Variants in TMTC2 observed in about 807,000 individuals in gnomAD.
TMTC2 encodes the protein transmembrane O-mannosyltransferase targeting cadherins 2.
Under a neutral mutation model 82.4 loss-of-function variants are expected in TMTC2, and 43 were observed. The observed-to-expected ratio is 0.52, with a 90% CI of 0.41 to 0.67. The LOEUF (loss-of-function observed/expected upper bound fraction) is 0.67, where lower values mean the gene tolerates loss of function less well. Ranked by LOEUF, TMTC2 falls within the 30% of genes least tolerant of loss-of-function variation. The pLI, the probability that TMTC2 is intolerant of heterozygous loss-of-function variation, is 0.00. For missense variants in TMTC2, 919 were observed against 1,012.4 expected (o/e 0.91, Z 1.25); for synonymous variants, 408 against 381.9 (o/e 1.07, Z -0.80).
intron 3 of TMTC2, among the ~76,000 whole-genome samples, chr12:82,922,687 C>A (rs191459697): frequency 3.0e-4 from 46 of 152,158 alleles, no homozygotes; most frequent in African/African-American, 1.1e-3. Flanking sequence ...TAAAATATAC[C>A]TTTGATTTAA....
intron 11 of TMTC2, among the ~76,000 whole-genome samples, chr12:83,122,285 C>G (rs113996840): frequency 1.3e-5 from 2 of 151,438 alleles, no homozygotes; most frequent in African/African-American, 2.4e-5. Context: ...CTTCTTCCCC[C>G]GCCTGTGGAG....
At chr12:82,704,329 A>G (rs1873238037) in intron 1 of TMTC2, among the ~76,000 whole-genome samples, 1 of 152,236 alleles carries the variant, frequency 6.6e-6, no homozygotes, top group Non-Finnish European at 1.5e-5. Context: ...GGACAGAAAT[A>G]TTATTTACCT....
At chr12:82,984,280 C>A (rs905160657) in intron 7 of TMTC2, among the ~76,000 whole-genome samples, 6 of 151,974 alleles carry the variant, frequency 3.9e-5, no homozygotes, top group Non-Finnish European at 5.9e-5. Flanking sequence ...GAGTGTTCAT[C>A]GAACTAGAAA....
At chr12:82,941,588 C>T (rs1343686043) in intron 4 of TMTC2, among the ~76,000 whole-genome samples, 3 of 152,128 alleles carry the variant, frequency 2.0e-5, no homozygotes, top group Non-Finnish European at 2.9e-5. Context: ...CATTACTGGC[C>T]ATGTGTTCTT....
In TMTC2 at chr12:82,966,994, A is replaced by T; in HGVS notation, c.1945A>T (p.Met649Leu). The change falls in exon 7 of 12, where the codon ATG becomes TTG. Residue 649 changes from methionine (M) to leucine (L), a missense_variant. Transcript: ENST00000321196. ...TGCCCCACAGAGCTTGTACAACATG[A>T]TGGGTAAGTAAAACATTAACACTTT... is the stretch of plus-strand genomic sequence containing the variant. ...QFAPQSLYNM[M>L]GEAYMRLSKL... 3 of 1,611,942 alleles carry T rather than the reference A, an allele frequency of 1.9e-6. No homozygotes were observed. Among genetic ancestry groups the T allele is most frequent in the South Asian group, 1.1e-5 (1 of 90,886 alleles).
At chr12:82,902,102 G>A (rs183321685) in intron 3 of TMTC2, among the ~76,000 whole-genome samples, 14 of 152,218 alleles carry the variant, frequency 9.2e-5, no homozygotes, top group East Asian at 7.7e-4. Flanking sequence ...TTTCCCTTAC[G>A]GAGTTAGTGG....
intron 3 of TMTC2, among the ~76,000 whole-genome samples, chr12:82,915,425 A>G (rs1874944977): frequency 6.6e-6 from 1 of 152,194 alleles, no homozygotes; most frequent in Non-Finnish European, 1.5e-5. Context: ...ACCCAAATCT[A>G]ACTGGTAACA....
At chr12:82,991,247 T>TC (rs376813801) in intron 8 of TMTC2, among the ~76,000 whole-genome samples, 2 of 152,046 alleles carry the variant, frequency 1.3e-5, no homozygotes, top group Admixed American at 6.6e-5. Context: ...AGTTTTTTTT[T>TC]CCCATTTGGT....
chr12:83,119,293 T>G (rs1359133629), intron 11 of TMTC2, among the ~76,000 whole-genome samples: 2 of 152,216 alleles, frequency 1.3e-5, no homozygotes, highest in Non-Finnish European at 2.9e-5. Context: ...CTATGAACTT[T>G]CCTCTTAGCA....
intron 1 of TMTC2, among the ~76,000 whole-genome samples, chr12:82,731,076 T>C (rs139762436): frequency 1.3e-5 from 2 of 152,342 alleles, no homozygotes; most frequent in African/African-American, 4.8e-5. Context: ...GTTGGAGAAT[T>C]TAGAATCAAG....
At chr12:82,730,796 C>G (rs1874760500) in intron 1 of TMTC2, among the ~76,000 whole-genome samples, 1 of 152,148 alleles carries the variant, frequency 6.6e-6, no homozygotes. Flanking sequence ...TTTCGAATTC[C>G]AATGGACACA....
intron 2 of TMTC2, among the ~76,000 whole-genome samples, chr12:82,889,560 C>A (rs1796203): frequency 2.0e-5 from 3 of 151,882 alleles, no homozygotes; most frequent in Non-Finnish European, 4.4e-5. Context: ...AATACTTCTA[C>A]ACTTAAATAA....
At chr12:82,707,738 C>A (rs1873430480) in intron 1 of TMTC2, among the ~76,000 whole-genome samples, 1 of 152,106 alleles carries the variant, frequency 6.6e-6, no homozygotes, top group South Asian at 2.1e-4. Flanking sequence ...AATAGGTTCA[C>A]CAACAGGAAA....
At chr12:82,914,817 A>ATTTTTTTTTTTTTTTTT (rs71068958) in intron 3 of TMTC2, among the ~76,000 whole-genome samples, 2 of 86,408 alleles carry the variant, frequency 2.3e-5, no homozygotes, top group Non-Finnish European at 4.5e-5. Flanking sequence ...CAACTCACTT[A>ATTTTTTTTTTTTTTTTT]TTTTTTTTTT....
At chr12:83,048,303 T>C (rs1352420803) in intron 9 of TMTC2, among the ~76,000 whole-genome samples, 3 of 152,190 alleles carry the variant, frequency 2.0e-5, no homozygotes, top group Non-Finnish European at 4.4e-5. Context: ...AAAAGCACCA[T>C]ATATTTAAAT....
chr12:83,072,399 T>C (rs981163408), intron 11 of TMTC2, among the ~76,000 whole-genome samples: 5 of 152,174 alleles, frequency 3.3e-5, no homozygotes, highest in African/African-American at 1.2e-4. Flanking sequence ...CTTAAATTTA[T>C]TGAGGCTCGT....
At chr12:83,051,300 C>CT (rs950425212) in intron 10 of TMTC2, among the ~76,000 whole-genome samples, 27 of 148,276 alleles carry the variant, frequency 1.8e-4, no homozygotes, top group East Asian at 5.9e-4. Context: ...CTTTTTCTTT[C>CT]TTTTTTTTTT....
chr12:82,888,892 C>A (rs3993373), intron 2 of TMTC2, among the ~76,000 whole-genome samples: 3,933 of 152,130 alleles, frequency 0.026, 174 homozygotes, highest in African/African-American at 0.09. Flanking sequence ...AGGTAACAAT[C>A]GCAAGATAAG....
At chr12:82,955,360 C>T (rs1877560760) in intron 4 of TMTC2, among the ~76,000 whole-genome samples, 2 of 152,182 alleles carry the variant, frequency 1.3e-5, no homozygotes, top group African/African-American at 4.8e-5. Flanking sequence ...GACCCATATG[C>T]CTATTTACAT....
Sources: allele counts gnomAD v4.1 joint callset (sites outside exome capture counted in the v4.1 genomes callset), GRCh38; gene constraint gnomAD v4.1.1; transcripts MANE v1.5; gene names NCBI Gene and HGNC (gene_info 2026-07-23, HGNC 2026-07-21).